The following NEK9 variants were observed in gnomAD, a reference collection of about 807,000 sequenced individuals.
NEK9 encodes the protein NIMA related kinase 9.
Under a neutral mutation model 123.4 loss-of-function variants are expected in NEK9, and 75 were observed. The observed-to-expected ratio is 0.61, with a 90% CI of 0.50 to 0.74. The LOEUF (loss-of-function observed/expected upper bound fraction) is 0.74, where lower values mean the gene tolerates loss of function less well. Among genes scored for constraint, NEK9 ranks in the 30% least tolerant of loss-of-function variants. NEK9 has a pLI of 0.00. For missense variants in NEK9, 952 were observed against 1,214.4 expected, an observed-to-expected ratio of 0.78 and a Z score of 3.21; for synonymous variants, 438 against 458.7, an observed-to-expected ratio of 0.95 and a Z score of 0.58.
chr14:75,097,888 C>T (rs549674745), intron 16 of NEK9, among the ~76,000 whole-genome samples: 2 of 152,174 alleles, frequency 1.3e-5, no homozygotes, highest in African/African-American at 4.8e-5. Flanking sequence ...CAAGGAGACC[C>T]CTGCAGCTAG....
At chr14:75,086,633 C>T (rs566763944) in intron 21 of NEK9, 257 of 181,060 alleles carry the variant, frequency 1.4e-3, no homozygotes, top group African/African-American at 5.1e-3. Flanking sequence ...ATCGGCCAGG[C>T]GTGGTGGCTC....
chr14:75,092,043 G>A (rs1016621342), intron 18 of NEK9, among the ~76,000 whole-genome samples: 1 of 151,938 alleles, frequency 6.6e-6, no homozygotes, highest in Non-Finnish European at 1.5e-5. Context: ...GCAGTGGCCC[G>A]ATCTTGGCTC....
chr14:75,126,584 T>C (rs1347746259), intron 1 of NEK9, 119 bp downstream of exon 1: 1 of 671,002 alleles, frequency 1.5e-6, no homozygotes, highest in Non-Finnish European at 2.3e-6. Context: ...CCCTAAGACA[T>C]ATACCCCGTG....
At chr14:75,100,960 C>T (rs1342835125) in intron 16 of NEK9, 32 bp downstream of exon 16, 1 of 1,598,742 alleles carries the variant, frequency 6.3e-7, no homozygotes, top group African/African-American at 1.3e-5. Flanking sequence ...GCCATGTGTC[C>T]AGAAAGCTTG....
intron 16 of NEK9, among the ~76,000 whole-genome samples, chr14:75,099,273 C>T (rs149072739): frequency 4.7e-3 from 706 of 150,794 alleles, no homozygotes; most frequent in Non-Finnish European, 6.6e-3. Context: ...TGCACTGAGC[C>T]GAGATCATAC....
At chr14:75,126,663 G>T in intron 1 of NEK9, 40 bp downstream of exon 1, 2 of 1,361,650 alleles carry the variant, frequency 1.5e-6, no homozygotes, top group South Asian at 1.7e-5. Context: ...GGGGCGACCC[G>T]ACAGCGCCAG....
chr14:75,091,627 T>G (rs1894221256), intron 18 of NEK9, 149 bp from the exon 19 acceptor site: 1 of 576,896 alleles, frequency 1.7e-6, no homozygotes, highest in Admixed American at 4.1e-5. Context: ...GGACTAAATT[T>G]TTGGTTTTCA....
chr14:75,125,764 A>G (rs1479273358), intron 1 of NEK9, among the ~76,000 whole-genome samples: 1 of 152,232 alleles, frequency 6.6e-6, no homozygotes, highest in Non-Finnish European at 1.5e-5. Context: ...TTCAGCCTTA[A>G]AAGTATGCTG....
chr14:75,126,994 T>C lies in NEK9; in HGVS notation c.-73A>G. ...CCTGGCCGCGCTGCGTCCCGCTCGC[T>C]TCAGATGCCGGCCCGCGGATCCGTC... On this transcript the variant is annotated 5_prime_UTR_variant, in exon 1 of 22. Coordinates refer to ENST00000238616, the MANE Select transcript of NEK9 (RefSeq NM_033116.6). The C allele has an allele frequency of 1.6e-6, 2 of 1,261,026 alleles. No homozygotes were observed. Among genetic ancestry groups the C allele is most frequent in the South Asian group, 3.4e-5 (2 of 59,298 alleles). 78.1% of individuals were successfully genotyped at this position (1,261,026 alleles called of 1,614,324 possible). A position where few individuals can be genotyped will look rare whatever the true frequency, so the allele number is the denominator to read the frequency against.
intron 9 of NEK9, 120 bp from the exon 10 acceptor site, chr14:75,109,997 CT>C (rs1294676351): frequency 3.1e-5 from 32 of 1,030,368 alleles, no homozygotes; most frequent in Non-Finnish European, 4.3e-5. Context: ...TATGTTCTTT[CT>C]CGACAACTTG....
At chr14:75,087,919 T>C (rs139729315) in intron 20 of NEK9, among the ~76,000 whole-genome samples, 1 of 152,382 alleles carries the variant, frequency 6.6e-6, no homozygotes, top group African/African-American at 2.4e-5. Flanking sequence ...AGCTGCTTTT[T>C]GTGCTACAAT....
rs759512146 is a variant in NEK9, at chr14:75,126,742, G to A, written c.180C>T (p.Arg60=). Residue 60 remains arginine (R), a synonymous_variant, in exon 1 of 22, where the codon CGC becomes CGT. Coordinates refer to ENST00000238616, the MANE Select transcript of NEK9 (RefSeq NM_033116.6). Reference sequence around the variant, plus strand: ...ACAGCGTGGCTTCCCCGAAGGCGCCGCGGCCCAGGACGCGGATGGGGATGT... The same window carrying A: ...ACAGCGTGGCTTCCCCGAAGGCGCCACGGCCCAGGACGCGGATGGGGATGT... ...LHYIPIRVLG[R]GAFGEATLYR... The A allele has an allele frequency of 2.0e-6, 3 of 1,492,960 alleles. No homozygotes were observed. The highest frequency in any genetic ancestry group is 2.9e-5 in the African/African-American group (2 of 68,366). The allele number at this position is 1,492,960 out of a possible 1,614,324, so 92.5% of individuals were successfully genotyped here.
At position 75,082,697 on chromosome 14, in the gene NEK9, T is replaced by C. The variant is rs1893901088; in HGVS notation, c.*1867A>G. The stretch of plus-strand genomic sequence containing the variant: ...ATCAGCTCCATGGCAGAAGCAATCC[T>C]CATGATGAACACCCAAACTGACCCA... On this transcript the variant is annotated 3_prime_UTR_variant, in exon 22 of 22. Coordinates refer to ENST00000238616, the MANE Select transcript of NEK9 (RefSeq NM_033116.6). 1 of 315,730 alleles carries C rather than the reference T, an allele frequency of 3.2e-6. No homozygotes were observed. Among genetic ancestry groups the C allele is most frequent in the Admixed American group, 5.0e-5 (1 of 20,064 alleles). The allele number at this position is 315,730 out of a possible 1,614,324, so 19.6% of individuals were successfully genotyped here.
chr14:75,099,995 G>A (rs1368704939), intron 16 of NEK9, among the ~76,000 whole-genome samples: 1 of 151,048 alleles, frequency 6.6e-6, no homozygotes, highest in African/African-American at 2.4e-5. Context: ...TGGACGTGGT[G>A]GTTTGTGCCT....
At chr14:75,099,782 CAA>C (rs11446568) in intron 16 of NEK9, among the ~76,000 whole-genome samples, 4 of 118,484 alleles carry the variant, frequency 3.4e-5, no homozygotes, top group Admixed American at 9.0e-5. Flanking sequence ...GATTGTGTCT[CAA>C]AAAAAAAAAA....
chr14:75,124,241 G>A lies in NEK9; in HGVS notation c.220-18C>T, dbSNP rs747237469. The A allele has an allele frequency of 1.9e-6, 3 of 1,604,322 alleles. No individual in the cohort carries two copies. Among genetic ancestry groups the A allele is most frequent in the Non-Finnish European group, 2.6e-6 (3 of 1,172,036 alleles). On this transcript the variant is annotated intron_variant, in intron 1 of 21. Coordinates refer to ENST00000238616, the MANE Select transcript of NEK9 (RefSeq NM_033116.6). ...GAGTCATCCTAAACACAGTAACAGA[G>A]GTATCGTGCTTTTCCTCTTGCCTGG...
chr14:75,125,749 C>A (rs1165584526), intron 1 of NEK9, among the ~76,000 whole-genome samples: 1 of 152,228 alleles, frequency 6.6e-6, no homozygotes, highest in African/African-American at 2.4e-5. Flanking sequence ...TCTCCTTCTC[C>A]ATCTTTCAGC....
Position 75,082,234 on chromosome 14 carries a change from G to T in NEK9, c.*2330C>A, listed in dbSNP as rs996059237. 6.6e-6 allele frequency: 1 copy of T among 152,142 alleles called. No homozygotes were observed. Among genetic ancestry groups the T allele is most frequent in the African/African-American group, 2.4e-5 (1 of 41,416 alleles). The allele number at this position is 152,142 out of a possible 1,614,324, so 9.4% of individuals were successfully genotyped here. On this transcript the variant is annotated 3_prime_UTR_variant, in exon 22 of 22. Coordinates refer to ENST00000238616, the MANE Select transcript of NEK9 (RefSeq NM_033116.6). ...CTTCTGCAACAATGTTAGAGCAGAGGAGTAACTCAGGTTATACTGTAACTC... is the reference window on the plus strand; with the variant it reads ...CTTCTGCAACAATGTTAGAGCAGAGTAGTAACTCAGGTTATACTGTAACTC...
In NEK9 at chr14:75,080,808, T is replaced by G. The variant is rs1208889056; in HGVS notation, c.*3756A>C. ...GGCGCCCACCACCACGCCCGGCTGA[T>G]TTTTTGTATTTTTAGTAGAGATGGG... On this transcript the variant is annotated 3_prime_UTR_variant, in exon 22 of 22. Transcript: ENST00000238616. The G allele has an allele frequency of 1.3e-5, 2 of 149,290 alleles. No individual in the cohort carries two copies. Among genetic ancestry groups the G allele is most frequent in the Non-Finnish European group, 3.0e-5 (2 of 67,312 alleles). 9.2% of individuals were successfully genotyped at this position (149,290 alleles called of 1,614,324 possible).
Sources: allele counts gnomAD v4.1 joint callset (sites outside exome capture counted in the v4.1 genomes callset), GRCh38; gene constraint gnomAD v4.1.1; transcripts MANE v1.5; gene names NCBI Gene and HGNC (gene_info 2026-07-23, HGNC 2026-07-21).